Variants in TCF7 observed in about 807,000 individuals in gnomAD.
The protein encoded by TCF7 is transcription factor 7, also known as T-cell-factor-7.
In TCF7, 19 loss-of-function variants were observed where a neutral mutation model predicts 46.8. The observed-to-expected ratio is 0.41, with a 90% CI of 0.28 to 0.60. The LOEUF (loss-of-function observed/expected upper bound fraction) is 0.60. Among genes scored for constraint, TCF7 ranks in the 20% least tolerant of loss-of-function variants. The pLI is 0.35. For synonymous variants in TCF7, 245 were observed against 213.4 expected, an observed-to-expected ratio of 1.15 and a Z score of -1.29; for missense variants, 547 against 504.6, an observed-to-expected ratio of 1.08 and a Z score of -0.81.
At chr5:134,140,280 A>C (rs1580883064) in intron 5 of TCF7, among the ~76,000 whole-genome samples, 1 of 152,146 alleles carries the variant, frequency 6.6e-6, no homozygotes, top group African/African-American at 2.4e-5. Context: ...AACTCAGTCT[A>C]CCTCGTGGGC....
chr5:134,143,823 C>G, intron 9 of TCF7, 183 bp downstream of exon 9: 3 of 653,870 alleles, frequency 4.6e-6, no homozygotes, highest in Non-Finnish European at 5.2e-6. Context: ...CTATATTATA[C>G]TAAGTCCCAG....
Position 134,115,012 on chromosome 5 carries a change from A to G in TCF7, c.106A>G (p.Lys36Glu). The G allele has an allele frequency of 5.6e-6, 7 of 1,254,222 alleles. No individual in the cohort carries two copies. Among genetic ancestry groups the G allele is most frequent in the South Asian group, 1.5e-5 (1 of 66,624 alleles). 77.7% of individuals were successfully genotyped at this position (1,254,222 alleles called of 1,614,324 possible). A position where few individuals can be genotyped will look rare whatever the true frequency, so the allele number is the denominator to read the frequency against. Residue 36 changes from lysine to glutamate, a missense_variant, in exon 1 of 10, where the codon AAG becomes GAG. Transcript: ENST00000342854. ...GGATGAAGGCGAGGAGCAGGACGAC[A>G]AGAGCCGCGACAGCGCCGCCGGTCC... ...FQDEGEEQDD[K>E]SRDSAAGPER...
At chr5:134,126,896 CAAA>C (rs111604522) in intron 3 of TCF7, among the ~76,000 whole-genome samples, 1 of 125,692 alleles carries the variant, frequency 8.0e-6, no homozygotes, top group African/African-American at 2.9e-5. Context: ...GACTCTATCT[CAAA>C]AAAAAAAAAA....
chr5:134,142,298 G>A lies in TCF7; in HGVS notation c.749G>A (p.Arg250His), dbSNP rs1348883834. The A allele has an allele frequency of 2.5e-6, 4 of 1,582,308 alleles. No homozygotes were observed. Among genetic ancestry groups the A allele is most frequent in the African/African-American group, 1.3e-5 (1 of 74,166 alleles). Residue 250 changes from arginine to histidine, a missense_variant, in exon 6 of 10, where the codon CGC becomes CAC. By Grantham distance (29) the Arg-to-His change is conservative. This residue lies in a region of TCF7 where 425 missense variants were observed against 349.9 expected (regional missense o/e 1.21). Transcript: ENST00000342854. ...AAGCAGGAGCTGCAGCCCTTCGACC[G>A]CAACCTGTGAGTGAAAAGACAATGA... is the stretch of plus-strand genomic sequence containing the variant. ...SGKQELQPFD[R>H]NLKTQAESKA...
intron 9 of TCF7, chr5:134,145,410 AGGGGGTACCCT>A: frequency 1.8e-6 from 1 of 563,600 alleles, no homozygotes; most frequent in South Asian, 1.4e-5. Flanking sequence ...GAGAGGACCC[AGGGGGTACCCT>A]GGGCTGTCTG....
Position 134,115,598 on chromosome 5 carries a change from AC to A in TCF7, c.316+216del, listed in dbSNP as rs200420238. 7 of 1,429,042 alleles carry A rather than the reference AC, an allele frequency of 4.9e-6. No homozygotes were observed. The South Asian group carries it at 6.1e-5, about 12-fold the overall frequency. The allele number at this position is 1,429,042 out of a possible 1,614,324, so 88.5% of individuals were successfully genotyped here. On this transcript the variant is annotated intron_variant, in intron 2 of 9. Coordinates refer to ENST00000342854, the MANE Select transcript of TCF7 (RefSeq NM_003202.5). ...CCCTGACCTTTATAGGAGTAAACAGACCCCCGCCATCCCCGCCTCCCCTCCT... is the reference window on the plus strand; with the variant it reads ...CCCTGACCTTTATAGGAGTAAACAGACCCCGCCATCCCCGCCTCCCCTCCT...
rs887189802 is a variant in TCF7 at position 134,145,952 on chromosome 5, G to A, written c.1076-272G>A. On this transcript the variant is annotated intron_variant, in intron 9 of 9. Transcript: ENST00000342854. ...GAGATGACTCCCTTGGAAGACAGGA[G>A]AGATGACTCCCTTGGAAGACAGATG... The A allele has an allele frequency of 4.7e-6, 7 of 1,483,474 alleles. No individual in the cohort carries two copies. In the African/African-American group the frequency reaches 7.0e-5, roughly 15 times the overall value. The allele number at this position is 1,483,474 out of a possible 1,614,324, so 91.9% of individuals were successfully genotyped here.
intron 2 of TCF7, 144 bp downstream of exon 2, chr5:134,115,531 G>A: frequency 4.2e-6 from 6 of 1,444,762 alleles, no homozygotes; most frequent in Non-Finnish European, 5.5e-6. Flanking sequence ...GAGAGTGGGG[G>A]GCGGGCTTCC....
chr5:134,109,765 C>T (rs1755306726), upstream of TCF7, among the ~76,000 whole-genome samples: 1 of 53,688 alleles, frequency 1.9e-5, no homozygotes, highest in Non-Finnish European at 3.5e-5. Context: ...AGCAAGGCTC[C>T]ATCTCAAAAA....
In TCF7 at chr5:134,138,148, C is replaced by T; in HGVS notation, c.531C>T (p.Asp177=). The T allele has an allele frequency of 6.2e-7, 1 of 1,613,630 alleles. No homozygotes were observed. The highest frequency in any genetic ancestry group is 8.5e-7 in the Non-Finnish European group (1 of 1,179,766). The part of the protein sequence containing the change: ...NSPHPTPAPA[D]ISQKQVHRPL... ...CACATCCCACCCCTGCACCTGCGGA[C>T]ATCAGCCAGAAGCAAGGTACAAGCC... The change falls in exon 4 of 10, where the codon GAC becomes GAT. Residue 177 remains aspartate, a synonymous_variant. Transcript: ENST00000342854.
rs1755787731 is a variant in TCF7 at position 134,116,034 on chromosome 5, G to T, written c.441+1G>T. On this transcript the variant is annotated splice_donor_variant, in intron 3 of 9. Transcript: ENST00000342854. LOFTEE classifies it high-confidence loss of function. Reference sequence around the variant, plus strand: ...GCACCCCCAGCCGCAGCCCCCGCTGGTAAGTGGACCCCGCAGCCAGTGCCG... The same window carrying T: ...GCACCCCCAGCCGCAGCCCCCGCTGTTAAGTGGACCCCGCAGCCAGTGCCG... The T allele has an allele frequency of 6.2e-7, 1 of 1,611,214 alleles. No individual in the cohort carries two copies. Among genetic ancestry groups the T allele is most frequent in the Non-Finnish European group, 8.5e-7 (1 of 1,178,878 alleles).
At chr5:134,123,520 C>T (rs563155012) in intron 3 of TCF7, 6 of 367,612 alleles carry the variant, frequency 1.6e-5, no homozygotes, top group Non-Finnish European at 2.7e-5. Flanking sequence ...GAGAGAGGGG[C>T]CTGCACAGGT....
the TCF7 span, among the ~76,000 whole-genome samples, chr5:134,109,481 G>A: frequency 6.6e-6 from 1 of 152,136 alleles, no homozygotes; most frequent in Admixed American, 6.5e-5. Context: ...AGAACTTAGA[G>A]ACACCTGGCC....
intron 2 of TCF7, 60 bp from the exon 3 acceptor site, chr5:134,115,849 A>T: frequency 6.2e-7 from 1 of 1,609,152 alleles, no homozygotes; most frequent in Non-Finnish European, 8.5e-7. Flanking sequence ...AAGAGCAGAC[A>T]GCCTTCAGTC....
intron 9 of TCF7, chr5:134,144,967 CAGCCCACTAGCATACTCAGCAGATTGGG>C: frequency 9.4e-7 from 1 of 1,067,608 alleles, no homozygotes; most frequent in Non-Finnish European, 1.4e-6. Context: ...TTTGGCCCCT[CAGCCCACTAGCATACTCAGCAGATTGGG>C]AGCCCAGGCC....
intron 2 of TCF7, 72 bp from the exon 3 acceptor site, chr5:134,115,837 T>A (rs929556246): frequency 1.2e-6 from 2 of 1,604,376 alleles, no homozygotes; most frequent in African/African-American, 2.7e-5. Context: ...TCTTTTTCTC[T>A]CAAGAGCAGA....
intron 3 of TCF7, among the ~76,000 whole-genome samples, chr5:134,131,815 T>C (rs1758165689): frequency 6.6e-6 from 1 of 152,188 alleles, no homozygotes; most frequent in Non-Finnish European, 1.5e-5. Context: ...TGGGCCAGAC[T>C]GGCCCAGAGC....
At chr5:134,119,999 C>G (rs554772746) in intron 3 of TCF7, among the ~76,000 whole-genome samples, 2 of 152,298 alleles carry the variant, frequency 1.3e-5, no homozygotes, top group South Asian at 2.1e-4. Flanking sequence ...CCCAGCTGAG[C>G]CGAGGAGACA....
chr5:134,110,745 C>G (rs1755317231), upstream of TCF7, among the ~76,000 whole-genome samples: 1 of 152,210 alleles, frequency 6.6e-6, no homozygotes, highest in Non-Finnish European at 1.5e-5. Flanking sequence ...TTTACTAAAT[C>G]CATCTGGGGC....
Sources: allele counts gnomAD v4.1 joint callset (sites outside exome capture counted in the v4.1 genomes callset), GRCh38; gene constraint gnomAD v4.1.1; regional missense constraint gnomAD v4.1.1; transcripts MANE v1.5; gene names NCBI Gene and HGNC (gene_info 2026-07-23, HGNC 2026-07-21).